Variants in BRIP1 observed in about 807,000 individuals in gnomAD.
The protein encoded by BRIP1 is BRCA1 interacting DNA helicase 1.
Under a neutral mutation model 119.7 loss-of-function variants are expected in BRIP1, and 88 were observed. The ratio of observed to expected loss-of-function variants is 0.74; its 90% CI spans 0.62 to 0.88. The LOEUF (loss-of-function observed/expected upper bound fraction) is 0.88. Ranked by LOEUF, BRIP1 falls within the 40% of genes least tolerant of loss-of-function variation. The pLI is 0.00. For synonymous variants in BRIP1, 443 were observed against 496.5 expected, an observed-to-expected ratio of 0.89 and a Z score of 1.43; for missense variants, 1,259 against 1,455.4, an observed-to-expected ratio of 0.87 and a Z score of 2.20.
chr17:61,735,653 T>C lies in BRIP1; in HGVS notation c.2379+7360A>G, dbSNP rs1462569317. On this transcript the variant is annotated intron_variant, in intron 16 of 19. Coordinates refer to ENST00000259008, the MANE Select transcript of BRIP1 (RefSeq NM_032043.3). The surrounding 1 kb of genome is among the most constrained non-coding windows in gnomAD (Gnocchi z 4.4). ...AAAAAAAAAAACCACGTTTAAAAAT[T>C]AGCTGGGTGTGGTGGCGTGTGGCTG... is the stretch of plus-strand genomic sequence containing the variant. 6.6e-6 allele frequency among the ~76,000 whole-genome samples: 1 copy of C among 151,040 alleles called. No homozygotes were observed. The highest frequency in any genetic ancestry group is 1.5e-5 in the Non-Finnish European group (1 of 67,864).
chr17:61,859,202 G>A (rs2078939829), intron 3 of BRIP1, among the ~76,000 whole-genome samples: 1 of 151,824 alleles, frequency 6.6e-6, no homozygotes, highest in Non-Finnish European at 1.5e-5. Flanking sequence ...CTGATGTTAT[G>A]AGAAAGGAAC....
chr17:61,723,210 A>G (rs941876719), intron 16 of BRIP1, among the ~76,000 whole-genome samples: 3 of 152,232 alleles, frequency 2.0e-5, no homozygotes, highest in African/African-American at 7.2e-5. Context: ...AATGACATAC[A>G]GCATATGTGA....
At position 61,693,400 on chromosome 17, in the gene BRIP1, T is replaced by G; in HGVS notation, c.2575+30A>C. 6.3e-7 allele frequency: 1 copy of G among 1,575,620 alleles called. No individual in the cohort carries two copies. The highest frequency in any genetic ancestry group is 8.7e-7 in the Non-Finnish European group (1 of 1,145,146). On this transcript the variant is annotated intron_variant, in intron 18 of 19. Transcript: ENST00000259008. The surrounding 1 kb of genome is among the most constrained non-coding windows in gnomAD (Gnocchi z 4.2). ...ATAAAAATATGAAGATTGTTACTAGTTTTTACTCTAAGCCCAGCTGAGATC... is the reference window on the plus strand; with the variant it reads ...ATAAAAATATGAAGATTGTTACTAGGTTTTACTCTAAGCCCAGCTGAGATC...
rs548767385 is a variant in BRIP1, at chr17:61,803,259, T to C, written c.919-1785A>G. Among the ~76,000 whole-genome samples, 72 of 152,294 alleles carry C rather than the reference T, an allele frequency of 4.7e-4. No homozygotes were observed. Among genetic ancestry groups the C allele is most frequent in the African/African-American group, 1.4e-3 (59 of 41,568 alleles). On this transcript the variant is annotated intron_variant, in intron 7 of 19. Coordinates refer to ENST00000259008, the MANE Select transcript of BRIP1 (RefSeq NM_032043.3). This position sits in a 1 kb window ranked among gnomAD's most constrained non-coding sequence, Gnocchi z 4.3. ...CAAGTGCATCACCACATATGGCTCC[T>C]TTTTTGTAGAGACAGGGTTTTGTCA...
rs1013138010 is a variant in BRIP1, at chr17:61,778,680, C to G, written c.1935+1581G>C. Among the ~76,000 whole-genome samples the G allele has an allele frequency of 5.3e-5, 8 of 152,118 alleles. No individual in the cohort carries two copies. The highest frequency in any genetic ancestry group is 2.1e-4 in the South Asian group (1 of 4,828). On this transcript the variant is annotated intron_variant, in intron 13 of 19. Coordinates refer to ENST00000259008, the MANE Select transcript of BRIP1 (RefSeq NM_032043.3). The surrounding 1 kb of genome is among the most constrained non-coding windows in gnomAD (Gnocchi z 4.4). Reference sequence around the variant, plus strand: ...AACGTATGCTGAATTTACCAACTTCCCATATTTATCTGTGTCTCTAAAGAA... The same window carrying G: ...AACGTATGCTGAATTTACCAACTTCGCATATTTATCTGTGTCTCTAAAGAA...
intron 17 of BRIP1, among the ~76,000 whole-genome samples, chr17:61,697,319 A>G (rs1426189438): frequency 8.2e-6 from 1 of 122,030 alleles, no homozygotes; most frequent in Non-Finnish European, 1.6e-5. Context: ...CCCAGGCAAC[A>G]GTGTGAGACT....
At position 61,754,853 on chromosome 17, in the gene BRIP1, C is replaced by G. The variant is rs535120829; in HGVS notation, c.2098-10262G>C. On this transcript the variant is annotated intron_variant, in intron 14 of 19. Transcript: ENST00000259008. This position sits in a 1 kb window ranked among gnomAD's most constrained non-coding sequence, Gnocchi z 4.1. ...TGTCTCTTCTTATAAGAACACTAATCCTATCAGATAAGGAAGGCCCTTACA... is the reference window on the plus strand; with the variant it reads ...TGTCTCTTCTTATAAGAACACTAATGCTATCAGATAAGGAAGGCCCTTACA... Among the ~76,000 whole-genome samples, 1 of 152,206 alleles carries G rather than the reference C, an allele frequency of 6.6e-6. No individual in the cohort carries two copies. Among genetic ancestry groups the G allele is most frequent in the Admixed American group, 6.5e-5 (1 of 15,284 alleles).
In BRIP1 at chr17:61,726,901, T is replaced by A. The variant is rs2076772375; in HGVS notation, c.2380-10838A>T. Among the ~76,000 whole-genome samples the A allele has an allele frequency of 6.6e-6, 1 of 152,222 alleles. No individual in the cohort carries two copies. The highest frequency in any genetic ancestry group is 6.5e-5 in the Admixed American group (1 of 15,272). On this transcript the variant is annotated intron_variant, in intron 16 of 19. Coordinates refer to ENST00000259008, the MANE Select transcript of BRIP1 (RefSeq NM_032043.3). This position sits in a 1 kb window ranked among gnomAD's most constrained non-coding sequence, Gnocchi z 6.2. ...TAGTCTAAATATTATTTTATTCAAA[T>A]ATCTTACAATCTAGAGTTTTTCTTG...
rs916058941 is a variant in BRIP1, at chr17:61,809,135, T to G, written c.628-378A>C. On this transcript the variant is annotated intron_variant, in intron 6 of 19. Transcript: ENST00000259008. The surrounding 1 kb of genome is among the most constrained non-coding windows in gnomAD (Gnocchi z 5.2). ...CATACGAACTTGTGATATTATAGTT[T>G]AGAGTTAATAGTTTTGTTCACAGCA... 6.6e-6 allele frequency among the ~76,000 whole-genome samples: 1 copy of G among 152,190 alleles called. No individual in the cohort carries two copies. Among genetic ancestry groups the G allele is most frequent in the Non-Finnish European group, 1.5e-5 (1 of 68,004 alleles).
rs117209003 is a variant in BRIP1 at position 61,830,136 on chromosome 17, G to A, written c.627+16965C>T. On this transcript the variant is annotated intron_variant, in intron 6 of 19. Transcript: ENST00000259008. The stretch of plus-strand genomic sequence containing the variant: ...TATAATAGAGACAGGGTTTTGCCAC[G>A]TTGGCCAGCCTGGTCTCAAACTCCT... Among the ~76,000 whole-genome samples the A allele has an allele frequency of 6.7e-3, 1,011 of 151,540 alleles. 3 individuals carry two copies. Among genetic ancestry groups the A allele is most frequent in the Non-Finnish European group, 0.011 (729 of 67,878 alleles).
rs1278387351 is a variant in BRIP1, at chr17:61,808,433, T to C, written c.918+34A>G. On this transcript the variant is annotated intron_variant, in intron 7 of 19. Coordinates refer to ENST00000259008, the MANE Select transcript of BRIP1 (RefSeq NM_032043.3). The surrounding 1 kb of genome is among the most constrained non-coding windows in gnomAD (Gnocchi z 4.1). ...TGAGTAATTTAAATATTTTCAGCCT[T>C]ATTTTTTCTCTAACACAAAATAACT... The C allele has an allele frequency of 6.4e-7, 1 of 1,574,102 alleles. No individual in the cohort carries two copies. The highest frequency in any genetic ancestry group is 2.2e-5 in the East Asian group (1 of 44,668).
chr17:61,697,836 C>T (rs929226319), intron 17 of BRIP1, among the ~76,000 whole-genome samples: 3 of 150,908 alleles, frequency 2.0e-5, no homozygotes, highest in Non-Finnish European at 4.4e-5. Flanking sequence ...GACAGAGTCT[C>T]GCTCTGTCAG....
intron 3 of BRIP1, among the ~76,000 whole-genome samples, chr17:61,858,527 C>T (rs1455709642): frequency 6.6e-6 from 1 of 152,110 alleles, no homozygotes; most frequent in East Asian, 1.9e-4. Context: ...GCACACGCCA[C>T]CTCACCAGGC....
chr17:61,827,001 G>A lies in BRIP1; in HGVS notation c.628-18244C>T, dbSNP rs2078419405. ...GTTCATTGAAGCACTATGCACAATA[G>A]CAAAGACATGGAATCAACCTAAATG... is the stretch of plus-strand genomic sequence containing the variant. On this transcript the variant is annotated intron_variant, in intron 6 of 19. Coordinates refer to ENST00000259008, the MANE Select transcript of BRIP1 (RefSeq NM_032043.3). This position sits in a 1 kb window ranked among gnomAD's most constrained non-coding sequence, Gnocchi z 5.8. Among the ~76,000 whole-genome samples, 1 of 152,162 alleles carries A rather than the reference G, an allele frequency of 6.6e-6. No homozygotes were observed.
intron 6 of BRIP1, 31 bp downstream of exon 6, chr17:61,847,070 T>A (rs543351700): frequency 6.2e-7 from 1 of 1,612,990 alleles, no homozygotes. Flanking sequence ...ATCTTCCTTC[T>A]TTAAAACTGA....
chr17:61,823,594 G>C lies in BRIP1; in HGVS notation c.628-14837C>G, dbSNP rs2078358243. On this transcript the variant is annotated intron_variant, in intron 6 of 19. Transcript: ENST00000259008. The surrounding 1 kb of genome is among the most constrained non-coding windows in gnomAD (Gnocchi z 4.8). Reference sequence around the variant, plus strand: ...AGCTTAAAAAATGAACATATAGTCAGTGATGTATAATATCAAGCTGTCTAA... The same window carrying C: ...AGCTTAAAAAATGAACATATAGTCACTGATGTATAATATCAAGCTGTCTAA... Among the ~76,000 whole-genome samples, 1 of 152,114 alleles carries C rather than the reference G, an allele frequency of 6.6e-6. No homozygotes were observed. The highest frequency in any genetic ancestry group is 1.5e-5 in the Non-Finnish European group (1 of 68,016).
intron 4 of BRIP1, 77 bp from the exon 5 acceptor site, chr17:61,849,333 G>T: frequency 8.0e-7 from 1 of 1,245,470 alleles, no homozygotes; most frequent in Non-Finnish European, 1.1e-6. Flanking sequence ...ACTGGAACCA[G>T]GATGTAAGGC....
At chr17:61,750,957 A>G (rs2077124010) in intron 14 of BRIP1, among the ~76,000 whole-genome samples, 1 of 152,232 alleles carries the variant, frequency 6.6e-6, no homozygotes, top group Non-Finnish European at 1.5e-5. Context: ...GAATTACCAT[A>G]TGATCCAGCA....
intron 10 of BRIP1, among the ~76,000 whole-genome samples, chr17:61,792,145 A>G (rs999847255): frequency 4.6e-5 from 7 of 152,166 alleles, no homozygotes; most frequent in African/African-American, 1.7e-4. Flanking sequence ...CAAGCATGCA[A>G]TCATAGTGCA....
Sources: gnomAD v4.1 joint callset for allele counts (sites outside exome capture counted in the v4.1 genomes callset) on GRCh38, gnomAD v4.1.1 for gene constraint, Gnocchi (gnomAD v3.1) non-coding constraint, MANE v1.5 for transcripts, NCBI Gene and HGNC (gene_info 2026-07-23, HGNC 2026-07-21) for gene names.